The following RIMS1 variants were observed in gnomAD, a reference collection of about 807,000 sequenced individuals.
RIMS1 encodes the protein regulating synaptic membrane exocytosis protein 1.
RIMS1 carries 83 observed loss-of-function variants against 214.1 expected under a neutral mutation model. That is an observed-to-expected ratio of 0.39 (90% CI 0.32 to 0.47). The LOEUF (loss-of-function observed/expected upper bound fraction) is 0.47. Ranked by LOEUF, RIMS1 falls within the 20% of genes least tolerant of loss-of-function variation. RIMS1 has a pLI of 0.99. For synonymous variants in RIMS1, 793 were observed against 786.8 expected (o/e 1.01, Z -0.13); for missense variants, 2,050 against 2,161.8 (o/e 0.95, Z 1.03).
intron 6 of RIMS1, among the ~76,000 whole-genome samples, chr6:72,193,547 A>G (rs1308017828): frequency 2.6e-5 from 4 of 152,200 alleles, no homozygotes; most frequent in Non-Finnish European, 5.9e-5. Context: ...TGTAATAGCT[A>G]TTAATAACTT....
intron 6 of RIMS1, among the ~76,000 whole-genome samples, chr6:72,230,814 C>T (rs2061699683): frequency 6.6e-6 from 1 of 151,432 alleles, no homozygotes; most frequent in Admixed American, 6.6e-5. Flanking sequence ...TAAAATCGCT[C>T]ACAAAATATA....
intron 4 of RIMS1, among the ~76,000 whole-genome samples, chr6:72,123,625 C>T (rs2038888273): frequency 6.6e-6 from 1 of 151,796 alleles, no homozygotes; most frequent in Non-Finnish European, 1.5e-5. Context: ...TTGTAGGTCT[C>T]TAAGGACTTG....
intron 28 of RIMS1, among the ~76,000 whole-genome samples, chr6:72,317,626 A>C (rs959086513): frequency 6.6e-6 from 1 of 152,218 alleles, no homozygotes; most frequent in African/African-American, 2.4e-5. Context: ...ATAATTTCAA[A>C]TGCCCCTTAT....
intron 2 of RIMS1, among the ~76,000 whole-genome samples, chr6:72,075,880 A>C (rs1486401534): frequency 6.6e-6 from 1 of 152,192 alleles, no homozygotes; most frequent in African/African-American, 2.4e-5. Flanking sequence ...GTTTTTATAG[A>C]ATTCTTCCAT....
rs577273519 is a variant in RIMS1, at chr6:71,933,184, A to T, written c.165-35799A>T. On this transcript the variant is annotated intron_variant, in intron 1 of 33. Transcript: ENST00000521978. ...AGCAGTGAAGGGTGGAAAAATTGTG[A>T]AACAGAAGTAGATTAATTTCTGGGG... 4.6e-5 allele frequency among the ~76,000 whole-genome samples: 7 copies of T among 152,244 alleles called. No individual in the cohort carries two copies. In the South Asian group the frequency reaches 1.5e-3, roughly 32 times the overall value.
chr6:72,287,188 G>A (rs1242547091), intron 24 of RIMS1, among the ~76,000 whole-genome samples: 1 of 152,088 alleles, frequency 6.6e-6, no homozygotes, highest in African/African-American at 2.4e-5. Flanking sequence ...CTACTATTTA[G>A]AATTGCTTAC....
chr6:71,895,910 G>T (rs190578013), intron 1 of RIMS1, among the ~76,000 whole-genome samples: 1 of 152,186 alleles, frequency 6.6e-6, no homozygotes, highest in East Asian at 1.9e-4. Context: ...TAGCGTATTG[G>T]TAGAAAGAGA....
intron 2 of RIMS1, among the ~76,000 whole-genome samples, chr6:72,057,502 T>C (rs919407132): frequency 1.4e-4 from 21 of 149,558 alleles, no homozygotes; most frequent in East Asian, 7.7e-4. Flanking sequence ...CTTTTTCTTT[T>C]TTTTTTTTTT....
chr6:71,939,713 T>A (rs1207116125), intron 1 of RIMS1, among the ~76,000 whole-genome samples: 2 of 152,204 alleles, frequency 1.3e-5, no homozygotes, highest in Non-Finnish European at 2.9e-5. Context: ...ATAATTGATC[T>A]AATTTATTCA....
intron 29 of RIMS1, among the ~76,000 whole-genome samples, chr6:72,376,540 G>T (rs1254852717): frequency 6.6e-6 from 1 of 152,114 alleles, no homozygotes; most frequent in Non-Finnish European, 1.5e-5. Context: ...GATATCGGGA[G>T]CTCAAGACCA....
At chr6:72,231,699 C>T (rs2062026666) in intron 6 of RIMS1, among the ~76,000 whole-genome samples, 1 of 151,698 alleles carries the variant, frequency 6.6e-6, no homozygotes, top group Non-Finnish European at 1.5e-5. Flanking sequence ...TAGAATAGCA[C>T]TGCTTGATAG....
At chr6:71,907,950 T>G (rs1449051482) in intron 1 of RIMS1, among the ~76,000 whole-genome samples, 1 of 152,188 alleles carries the variant, frequency 6.6e-6, no homozygotes, top group Non-Finnish European at 1.5e-5. Context: ...GAATTAGTCC[T>G]TAATTGTTTT....
At chr6:72,216,028 C>G (rs2154021801) in intron 6 of RIMS1, among the ~76,000 whole-genome samples, 1 of 152,216 alleles carries the variant, frequency 6.6e-6, no homozygotes, top group Non-Finnish European at 1.5e-5. Flanking sequence ...AAGCAGTCCA[C>G]CTTGATTTTT....
At chr6:72,058,450 T>C (rs577535715) in intron 2 of RIMS1, among the ~76,000 whole-genome samples, 1 of 152,362 alleles carries the variant, frequency 6.6e-6, no homozygotes, top group East Asian at 1.9e-4. Flanking sequence ...CATCTTCATT[T>C]TGGAAGCCCC....
intron 6 of RIMS1, among the ~76,000 whole-genome samples, chr6:72,203,908 G>T (rs1235285040): frequency 6.6e-6 from 1 of 152,144 alleles, no homozygotes; most frequent in Admixed American, 6.5e-5. Context: ...TGAAGTGCTA[G>T]TCCTCCCATG....
intron 2 of RIMS1, among the ~76,000 whole-genome samples, chr6:72,044,308 A>G (rs1295569001): frequency 1.3e-5 from 2 of 151,816 alleles, no homozygotes; most frequent in African/African-American, 2.4e-5. Context: ...CAGAGAAAAT[A>G]TTTTTGTCTT....
At chr6:72,012,871 G>C (rs113778217) in intron 2 of RIMS1, among the ~76,000 whole-genome samples, 1,731 of 152,252 alleles carry the variant, frequency 0.011, 8 homozygotes, top group Non-Finnish European at 0.017. Flanking sequence ...AGAGGTGTTT[G>C]GGTTAAATTG....
At chr6:72,012,998 C>T (rs1307809518) in intron 2 of RIMS1, among the ~76,000 whole-genome samples, 2 of 152,184 alleles carry the variant, frequency 1.3e-5, no homozygotes, top group African/African-American at 4.8e-5. Context: ...TAAATTATGC[C>T]TGTCTCTATG....
At chr6:72,041,473 C>T (rs1484778795) in intron 2 of RIMS1, among the ~76,000 whole-genome samples, 1 of 151,756 alleles carries the variant, frequency 6.6e-6, no homozygotes, top group East Asian at 1.9e-4. Context: ...TATTAAAAAG[C>T]GGAAAAATGA....
Sources: gnomAD v4.1 joint callset for allele counts (sites outside exome capture counted in the v4.1 genomes callset) on GRCh38, gnomAD v4.1.1 for gene constraint, MANE v1.5 for transcripts, NCBI Gene and HGNC (gene_info 2026-07-23, HGNC 2026-07-21) for gene names.